The following DOCK1 variants were observed in gnomAD, a reference collection of about 807,000 sequenced individuals.
DOCK1 encodes dedicator of cytokinesis 1, also known as dedicator of cytokinesis protein 1.
A neutral mutation model predicts 262.7 loss-of-function variants in DOCK1; 138 were observed. The observed-to-expected ratio is 0.53, with a 90% confidence interval of 0.46 to 0.61. DOCK1 has a LOEUF of 0.61. Ranked by LOEUF, DOCK1 falls within the 20% of genes least tolerant of loss-of-function variation. The pLI, the probability that DOCK1 is intolerant of heterozygous loss-of-function variation, is 0.00. For synonymous variants in DOCK1, 866 were observed against 867.4 expected, an observed-to-expected ratio of 1.00 and a Z score of 0.03; for missense variants, 1,908 against 2,370.7, an observed-to-expected ratio of 0.80 and a Z score of 4.05.
chr10:127,436,482 G>C (rs950210013), intron 48 of DOCK1, among the ~76,000 whole-genome samples: 9 of 152,066 alleles, frequency 5.9e-5, no homozygotes, highest in African/African-American at 2.2e-4. Context: ...TTGAACCACT[G>C]CACTCCAGCC....
intron 40 of DOCK1, among the ~76,000 whole-genome samples, chr10:127,405,988 A>C (rs2134345398): frequency 6.6e-6 from 1 of 152,348 alleles, no homozygotes; most frequent in South Asian, 2.1e-4. Flanking sequence ...AATAAAAAAC[A>C]AAGCTGAAGG....
intron 27 of DOCK1, among the ~76,000 whole-genome samples, chr10:127,142,744 C>T (rs375469995): frequency 6.6e-6 from 1 of 152,162 alleles, no homozygotes; most frequent in Non-Finnish European, 1.5e-5. Context: ...AACCATCCAC[C>T]CAAACACTCT....
At chr10:127,005,163 C>T (rs2040918526) in intron 10 of DOCK1, among the ~76,000 whole-genome samples, 1 of 151,886 alleles carries the variant, frequency 6.6e-6, no homozygotes, top group Admixed American at 6.6e-5. Flanking sequence ...ATGGTGAAAC[C>T]CCATCCCTAC....
intron 35 of DOCK1, among the ~76,000 whole-genome samples, chr10:127,378,349 A>G (rs1340041089): frequency 2.0e-5 from 3 of 152,288 alleles, no homozygotes; most frequent in East Asian, 1.9e-4. Flanking sequence ...GCCGGTCCCA[A>G]TGGGGTTCCT....
intron 29 of DOCK1, among the ~76,000 whole-genome samples, chr10:127,261,994 C>A (rs2060167518): frequency 1.0e-5 from 1 of 96,840 alleles, no homozygotes; most frequent in African/African-American, 4.2e-5. Context: ...GTGTGTGTAC[C>A]CATGCTCATC....
intron 27 of DOCK1, among the ~76,000 whole-genome samples, chr10:127,229,735 G>A (rs2058772598): frequency 6.6e-6 from 1 of 152,062 alleles, no homozygotes; most frequent in South Asian, 2.1e-4. Flanking sequence ...CATTTCCTTT[G>A]GGTATATTCT....
At chr10:127,158,386 T>C (rs2053281698) in intron 27 of DOCK1, among the ~76,000 whole-genome samples, 1 of 152,218 alleles carries the variant, frequency 6.6e-6, no homozygotes, top group South Asian at 2.1e-4. Context: ...AGGTTATTGA[T>C]GTAAAACCTG....
At chr10:127,107,390 G>A (rs181622473) in intron 24 of DOCK1, among the ~76,000 whole-genome samples, 22 of 152,166 alleles carry the variant, frequency 1.4e-4, no homozygotes, top group Non-Finnish European at 2.8e-4. Flanking sequence ...TCTGGGAGGC[G>A]CTGTCCCCCA....
intron 40 of DOCK1, among the ~76,000 whole-genome samples, chr10:127,406,901 A>G (rs766911326): frequency 6.6e-5 from 10 of 152,218 alleles, no homozygotes; most frequent in Non-Finnish European, 1.3e-4. Context: ...TGCTAGTTTG[A>G]TAGTAGTCTG....
At chr10:126,982,012 T>C (rs1235097314) in intron 4 of DOCK1, 39 bp downstream of exon 4, 2 of 1,602,710 alleles carry the variant, frequency 1.2e-6, no homozygotes, top group Non-Finnish European at 1.7e-6. Context: ...GAATTGCAAG[T>C]ACTATATTTG....
intron 1 of DOCK1, among the ~76,000 whole-genome samples, chr10:126,922,341 G>A (rs1349652607): frequency 6.6e-6 from 1 of 152,056 alleles, no homozygotes. Context: ...GGCAGAAGGG[G>A]AAGGGAGAGC....
chr10:127,045,462 C>T (rs527724698), intron 21 of DOCK1, among the ~76,000 whole-genome samples: 31 of 152,172 alleles, frequency 2.0e-4, no homozygotes, highest in Non-Finnish European at 3.1e-4. Flanking sequence ...CTGGGCCAGG[C>T]GAAATTCCAG....
At chr10:127,045,437 T>C (rs868225710) in intron 21 of DOCK1, among the ~76,000 whole-genome samples, 1 of 152,140 alleles carries the variant, frequency 6.6e-6, no homozygotes, top group Non-Finnish European at 1.5e-5. Flanking sequence ...ATTGGTGATA[T>C]GCTTACAGTA....
At chr10:127,132,554 A>G (rs1393223529) in intron 27 of DOCK1, among the ~76,000 whole-genome samples, 1 of 152,188 alleles carries the variant, frequency 6.6e-6, no homozygotes, top group Non-Finnish European at 1.5e-5. Context: ...CTAAGCCCTC[A>G]GCATTAAGCA....
intron 23 of DOCK1, among the ~76,000 whole-genome samples, chr10:127,091,609 G>A (rs1425374170): frequency 6.6e-6 from 1 of 152,200 alleles, no homozygotes; most frequent in Non-Finnish European, 1.5e-5. Context: ...TTAGAGGGAG[G>A]GAGAAGGGGA....
intron 1 of DOCK1, among the ~76,000 whole-genome samples, chr10:126,914,725 T>C (rs2032259321): frequency 6.6e-6 from 1 of 152,244 alleles, no homozygotes. Flanking sequence ...GTAACAGTCA[T>C]GATTTCCTTT....
At position 127,410,873 on chromosome 10, in the gene DOCK1, A is replaced by G. The variant is rs1167700225; in HGVS notation, c.4377A>G (p.Glu1459=). Residue 1459 remains glutamate, a synonymous_variant, in exon 43 of 52, where the codon GAA becomes GAG. Transcript: ENST00000623213. ...GGGTGAACGAGGTCCAGCGATTTGA[A>G]TATTCTCGGCCAATCCGGAAGGGAG... is the stretch of plus-strand genomic sequence containing the variant. The part of the protein sequence containing the change: ...FYRVNEVQRF[E]YSRPIRKGEK... 6.2e-7 allele frequency: 1 copy of G among 1,613,926 alleles called. No individual in the cohort carries two copies. The highest frequency in any genetic ancestry group is 1.3e-5 in the African/African-American group (1 of 75,048).
At position 127,052,722 on chromosome 10, in the gene DOCK1, A is replaced by G; in HGVS notation, c.2243A>G (p.Glu748Gly). Residue 748 changes from glutamate (E) to glycine (G), a missense_variant, in exon 22 of 52, where the codon GAG (glutamate) becomes GGG (glycine). This residue lies in a region of DOCK1 where 518 missense variants were observed against 575.1 expected (regional missense o/e 0.90). Transcript: ENST00000623213. ...TTGAAGAACTACGTGGACGGTGCTG[A>G]GAAGCCGGGAGTAAATGAGCAGCTG... ...KVLKNYVDGAEKPGVNEQLYK... is the reference protein window; with the variant it reads ...KVLKNYVDGAGKPGVNEQLYK... 17 of 1,613,942 alleles carry G rather than the reference A, an allele frequency of 1.1e-5. No homozygotes were observed. Among genetic ancestry groups the G allele is most frequent in the Non-Finnish European group, 1.4e-5 (17 of 1,179,880 alleles).
intron 24 of DOCK1, among the ~76,000 whole-genome samples, chr10:127,109,885 G>A (rs1436261124): frequency 6.6e-6 from 1 of 152,070 alleles, no homozygotes; most frequent in Admixed American, 6.5e-5. Flanking sequence ...GTATATGCCT[G>A]GAAGTGGATG....
Sources: gnomAD v4.1 joint callset for allele counts (sites outside exome capture counted in the v4.1 genomes callset) on GRCh38, gnomAD v4.1.1 for gene constraint, gnomAD v4.1.1 regional missense constraint, MANE v1.5 for transcripts, NCBI Gene and HGNC (gene_info 2026-07-23, HGNC 2026-07-21) for gene names.